Variants in ZNF385D observed in about 807,000 individuals in gnomAD.
The protein encoded by ZNF385D is zinc finger protein 659.
Under a neutral mutation model 35.8 loss-of-function variants are expected in ZNF385D, and 15 were observed. The ratio of observed to expected loss-of-function variants is 0.42; its 90% CI spans 0.28 to 0.64. ZNF385D has a LOEUF of 0.64. Ranked by LOEUF, ZNF385D falls within the 30% of genes least tolerant of loss-of-function variation. The probability of loss-of-function intolerance (pLI) is 0.23; values close to 1 mark genes in which losing one functional copy is unlikely to be tolerated. For synonymous variants in ZNF385D, 212 were observed against 186.8 expected (o/e 1.13, Z -1.10); for missense variants, 474 against 494.6 (o/e 0.96, Z 0.39).
intron 3 of ZNF385D, among the ~76,000 whole-genome samples, chr3:21,810,599 T>C (rs1036283575): frequency 6.6e-6 from 1 of 152,122 alleles, no homozygotes; most frequent in Admixed American, 6.6e-5. Flanking sequence ...AAACCAAAAC[T>C]AATAAAATTA....
intron 3 of ZNF385D, among the ~76,000 whole-genome samples, chr3:21,942,905 T>A (rs1701589094): frequency 6.6e-6 from 1 of 152,200 alleles, no homozygotes; most frequent in Non-Finnish European, 1.5e-5. Context: ...GCCAACTTCA[T>A]CAGTCTTATT....
chr3:21,922,514 A>T (rs1700520917), intron 3 of ZNF385D, among the ~76,000 whole-genome samples: 1 of 152,178 alleles, frequency 6.6e-6, no homozygotes, highest in Non-Finnish European at 1.5e-5. Flanking sequence ...TCTTTGACAA[A>T]GTCAACAAAA....
intron 2 of ZNF385D, among the ~76,000 whole-genome samples, chr3:21,607,095 T>A (rs1434188098): frequency 6.6e-6 from 1 of 152,232 alleles, no homozygotes; most frequent in East Asian, 1.9e-4. Context: ...ATTAACTTTC[T>A]AAGTGTGTTC....
chr3:21,846,973 T>C (rs1696046407), intron 3 of ZNF385D, among the ~76,000 whole-genome samples: 1 of 152,040 alleles, frequency 6.6e-6, no homozygotes. Flanking sequence ...GTCATGTAAC[T>C]AGTCAGAGGT....
At chr3:22,147,937 G>A (rs113129616) in intron 3 of ZNF385D, among the ~76,000 whole-genome samples, 1 of 152,134 alleles carries the variant, frequency 6.6e-6, no homozygotes, top group African/African-American at 2.4e-5. Flanking sequence ...AAAAAAAGTC[G>A]ATCTAAAGTA....
At chr3:21,873,972 A>G (rs1697828707) in intron 3 of ZNF385D, among the ~76,000 whole-genome samples, 1 of 103,528 alleles carries the variant, frequency 9.7e-6, no homozygotes, top group Non-Finnish European at 2.1e-5. Context: ...TCTCTTCAAG[A>G]TCCTGATTTC....
chr3:22,182,056 T>C (rs1576457835), intron 2 of ZNF385D, among the ~76,000 whole-genome samples: 1 of 152,036 alleles, frequency 6.6e-6, no homozygotes, highest in African/African-American at 2.4e-5. Flanking sequence ...TCCCTGCCTA[T>C]ATCTTTATTG....
At chr3:21,702,546 A>C (rs961697795) in intron 1 of ZNF385D, among the ~76,000 whole-genome samples, 2 of 152,214 alleles carry the variant, frequency 1.3e-5, no homozygotes, top group African/African-American at 4.8e-5. Context: ...CTTGCTACTT[A>C]TGCAAATTTC....
intron 3 of ZNF385D, among the ~76,000 whole-genome samples, chr3:22,097,152 C>A (rs1054487514): frequency 6.6e-6 from 1 of 152,112 alleles, no homozygotes; most frequent in Admixed American, 6.6e-5. Context: ...AGCCATTCTG[C>A]ATGAGCTGCG....
intron 3 of ZNF385D, among the ~76,000 whole-genome samples, chr3:22,129,597 C>T (rs1345855208): frequency 2.0e-5 from 3 of 152,124 alleles, no homozygotes; most frequent in African/African-American, 4.8e-5. Context: ...TCTCTGCCCA[C>T]GGCCATAACT....
chr3:21,584,078 A>G (rs910279085), intron 2 of ZNF385D, among the ~76,000 whole-genome samples: 3 of 151,704 alleles, frequency 2.0e-5, no homozygotes, highest in East Asian at 1.9e-4. Flanking sequence ...GGCTCAAGCT[A>G]TTCTCCTGCC....
At chr3:22,273,980 T>A (rs1010615588) in intron 2 of ZNF385D, among the ~76,000 whole-genome samples, 5 of 152,048 alleles carry the variant, frequency 3.3e-5, no homozygotes, top group Non-Finnish European at 4.4e-5. Context: ...ATTAGCAAAG[T>A]ATATTCTGGT....
intron 2 of ZNF385D, among the ~76,000 whole-genome samples, chr3:22,329,858 T>G (rs1373117207): frequency 6.6e-6 from 1 of 152,182 alleles, no homozygotes; most frequent in African/African-American, 2.4e-5. Flanking sequence ...TGAGATAGCT[T>G]TTTTTGAATC....
intron 2 of ZNF385D, among the ~76,000 whole-genome samples, chr3:22,345,138 A>G (rs1345138993): frequency 6.6e-6 from 1 of 152,210 alleles, no homozygotes; most frequent in African/African-American, 2.4e-5. Flanking sequence ...TAACTATAAT[A>G]ACAATAATAA....
intron 3 of ZNF385D, among the ~76,000 whole-genome samples, chr3:22,056,889 A>G (rs983253669): frequency 1.3e-5 from 2 of 152,194 alleles, no homozygotes; most frequent in African/African-American, 4.8e-5. Flanking sequence ...GTAACCACTC[A>G]GAACAAGAAA....
intron 2 of ZNF385D, among the ~76,000 whole-genome samples, chr3:22,235,262 C>T (rs1399213500): frequency 6.6e-6 from 1 of 151,954 alleles, no homozygotes; most frequent in African/African-American, 2.4e-5. Flanking sequence ...AATAATTTGC[C>T]TTTAAAGAGT....
rs368179509 is a variant in ZNF385D, at chr3:21,612,221, A to T, written c.166-47537T>A. 8.5e-5 allele frequency among the ~76,000 whole-genome samples: 13 copies of T among 152,154 alleles called. No individual in the cohort carries two copies. In the East Asian group the frequency reaches 2.5e-3, roughly 29 times the overall value. On this transcript the variant is annotated intron_variant, in intron 2 of 7. Transcript: ENST00000281523. Reference sequence around the variant, plus strand: ...TGCCTCAGCCTCCCAAGTAGCTGGGATGACAGGCACACACCACCATGCCCC... The same window carrying T: ...TGCCTCAGCCTCCCAAGTAGCTGGGTTGACAGGCACACACCACCATGCCCC...
intron 3 of ZNF385D, among the ~76,000 whole-genome samples, chr3:21,987,620 C>G (rs1292249957): frequency 7.3e-6 from 1 of 137,622 alleles, no homozygotes; most frequent in African/African-American, 2.9e-5. Context: ...TTCATTTCAA[C>G]TTTGGTGAAT....
intron 3 of ZNF385D, among the ~76,000 whole-genome samples, chr3:21,773,615 C>T (rs937364674): frequency 2.6e-5 from 4 of 151,662 alleles, no homozygotes; most frequent in Non-Finnish European, 5.9e-5. Flanking sequence ...GCAAAGAACA[C>T]AAACAGACAC....
Sources: gnomAD v4.1 joint callset for allele counts (sites outside exome capture counted in the v4.1 genomes callset) on GRCh38, gnomAD v4.1.1 for gene constraint, MANE v1.5 for transcripts, NCBI Gene and HGNC (gene_info 2026-07-23, HGNC 2026-07-21) for gene names.